The following DNAAF9 variants were observed in gnomAD, a reference collection of about 807,000 sequenced individuals.
The protein encoded by DNAAF9 is dynein axonemal assembly factor 9.
Under a neutral mutation model 167.0 loss-of-function variants are expected in DNAAF9, and 90 were observed. The observed-to-expected ratio is 0.54, with a 90% confidence interval of 0.45 to 0.64. The LOEUF is 0.64. DNAAF9 is among the 30% of genes least tolerant of loss of function. The probability of loss-of-function intolerance (pLI) is 0.00; values close to 1 mark genes in which losing one functional copy is unlikely to be tolerated. For synonymous variants in DNAAF9, 491 were observed against 508.8 expected (o/e 0.96, Z 0.47); for missense variants, 1,315 against 1,442.2 (o/e 0.91, Z 1.43).
intron 6 of DNAAF9, among the ~76,000 whole-genome samples, chr20:3,365,249 A>C (rs933030551): frequency 6.6e-6 from 1 of 152,210 alleles, no homozygotes; most frequent in Non-Finnish European, 1.5e-5. Flanking sequence ...TGCTAGGATT[A>C]CAGGCACAAT....
At chr20:3,323,062 T>C (rs892764168) in intron 14 of DNAAF9, among the ~76,000 whole-genome samples, 7 of 151,856 alleles carry the variant, frequency 4.6e-5, no homozygotes, top group African/African-American at 1.7e-4. Flanking sequence ...AGTCAAATGC[T>C]GTGGAGCCAT....
chr20:3,296,838 C>T, intron 23 of DNAAF9, 23 bp downstream of exon 23: 1 of 1,517,972 alleles, frequency 6.6e-7, no homozygotes, highest in Non-Finnish European at 9.1e-7. Flanking sequence ...GAAGCAAGCA[C>T]AAATACTGAA....
intron 3 of DNAAF9, 102 bp downstream of exon 3, chr20:3,381,277 G>T: frequency 1.0e-6 from 1 of 964,460 alleles, no homozygotes; most frequent in Non-Finnish European, 1.5e-6. Context: ...TGGGGCTTTG[G>T]ACTATTTTAA....
chr20:3,252,803 A>G, intron 36 of DNAAF9, 119 bp from the exon 37 acceptor site: 1 of 698,778 alleles, frequency 1.4e-6, no homozygotes, highest in East Asian at 2.5e-5. Context: ...TCTGGCCCAT[A>G]GAGAGGGAAC....
chr20:3,306,327 C>T (rs1600748190), intron 20 of DNAAF9, among the ~76,000 whole-genome samples: 2 of 152,154 alleles, frequency 1.3e-5, no homozygotes, highest in African/African-American at 2.4e-5. Context: ...TCCCCTATTG[C>T]TCAGAAATTT....
chr20:3,399,743 G>A (rs547045914), intron 1 of DNAAF9, among the ~76,000 whole-genome samples: 28 of 152,208 alleles, frequency 1.8e-4, no homozygotes, highest in African/African-American at 6.5e-4. Flanking sequence ...GAGCTATGGT[G>A]AATATAGAAA....
chr20:3,301,430 C>T (rs924649321), intron 21 of DNAAF9, among the ~76,000 whole-genome samples: 11 of 152,150 alleles, frequency 7.2e-5, no homozygotes, highest in East Asian at 3.9e-4. Flanking sequence ...TCAGGTGATC[C>T]GCCCTTCTTG....
At chr20:3,308,621 G>C in intron 20 of DNAAF9, among the ~76,000 whole-genome samples, 1 of 151,904 alleles carries the variant, frequency 6.6e-6, no homozygotes, top group South Asian at 2.1e-4. Flanking sequence ...TGGGATTACA[G>C]GTGTGAGCCA....
At chr20:3,349,926 T>C (rs1224569717) in intron 7 of DNAAF9, among the ~76,000 whole-genome samples, 4 of 152,108 alleles carry the variant, frequency 2.6e-5, no homozygotes, top group African/African-American at 7.2e-5. Context: ...TCTAGTGCCT[T>C]GCTCATAGCA....
At chr20:3,383,835 G>A (rs2083696623) in intron 1 of DNAAF9, among the ~76,000 whole-genome samples, 1 of 138,642 alleles carries the variant, frequency 7.2e-6, no homozygotes, top group South Asian at 2.2e-4. Flanking sequence ...CTCTCACTCT[G>A]TCGCCCAGGC....
At chr20:3,334,796 T>G (rs953591159) in intron 10 of DNAAF9, among the ~76,000 whole-genome samples, 6 of 152,344 alleles carry the variant, frequency 3.9e-5, no homozygotes, top group African/African-American at 1.4e-4. Flanking sequence ...ATTTCCTAGC[T>G]GGCTCTCAAG....
intron 20 of DNAAF9, among the ~76,000 whole-genome samples, chr20:3,309,477 T>A (rs1310506013): frequency 6.6e-6 from 1 of 152,198 alleles, no homozygotes; most frequent in Non-Finnish European, 1.5e-5. Context: ...AGACAATGTG[T>A]TATTTTCTTT....
At chr20:3,325,658 TCTC>T (rs2069697378) in intron 13 of DNAAF9, among the ~76,000 whole-genome samples, 1 of 152,132 alleles carries the variant, frequency 6.6e-6, no homozygotes, top group Non-Finnish European at 1.5e-5. Flanking sequence ...ACTCTTCTCA[TCTC>T]CTTACTGGGT....
At chr20:3,304,390 G>T in intron 21 of DNAAF9, 50 bp downstream of exon 21, 1 of 840,688 alleles carries the variant, frequency 1.2e-6, no homozygotes, top group Non-Finnish European at 2.1e-6. Context: ...CCCCTCAAAA[G>T]TGTGAGCAAC....
chr20:3,363,267 C>A (rs1434842090), intron 6 of DNAAF9, among the ~76,000 whole-genome samples: 2 of 139,814 alleles, frequency 1.4e-5, no homozygotes, highest in African/African-American at 5.4e-5. Context: ...GCAAAGCAAA[C>A]TTTTTTGTTT....
intron 1 of DNAAF9, among the ~76,000 whole-genome samples, chr20:3,383,271 C>CTTTTTTTT (rs11087581): frequency 1.5e-4 from 17 of 114,392 alleles, no homozygotes; most frequent in African/African-American, 4.1e-4. Flanking sequence ...TTCCCTAACA[C>CTTTTTTTT]TTTTTTTTTT....
intron 35 of DNAAF9, among the ~76,000 whole-genome samples, chr20:3,254,725 C>CCT (rs2068249022): frequency 1.3e-5 from 2 of 152,150 alleles, no homozygotes; most frequent in South Asian, 4.1e-4. Flanking sequence ...TCCCCAAACC[C>CCT]CTCAGGAAAA....
chr20:3,358,787 T>C (rs6051787), intron 7 of DNAAF9, among the ~76,000 whole-genome samples: 96,443 of 152,134 alleles, frequency 0.63, 30,820 homozygotes, highest in South Asian at 0.69. Context: ...TCACTAATTG[T>C]ACTGAAGCTC....
intron 12 of DNAAF9, among the ~76,000 whole-genome samples, chr20:3,327,485 G>T (rs1023493667): frequency 1.3e-5 from 2 of 151,126 alleles, no homozygotes; most frequent in African/African-American, 4.9e-5. Context: ...GCTCATCCAA[G>T]GGTCCCTGAA....
Sources: allele counts gnomAD v4.1 joint callset (sites outside exome capture counted in the v4.1 genomes callset), GRCh38; gene constraint gnomAD v4.1.1; transcripts MANE v1.5; gene names NCBI Gene and HGNC (gene_info 2026-07-23, HGNC 2026-07-21).